The following THSD7B variants were observed in gnomAD, a reference collection of about 807,000 sequenced individuals.
THSD7B encodes thrombospondin type-1 domain-containing protein 7B.
THSD7B carries 138 observed loss-of-function variants against 213.6 expected under a neutral mutation model. The ratio of observed to expected loss-of-function variants is 0.65; its 90% CI spans 0.56 to 0.74. THSD7B has a LOEUF of 0.74. THSD7B is among the 30% of genes least tolerant of loss of function. THSD7B has a pLI of 0.00. For synonymous variants in THSD7B, 742 were observed against 687.0 expected (o/e 1.08, Z -1.25); for missense variants, 1,931 against 1,991.5 (o/e 0.97, Z 0.58).
Position 137,655,455 on chromosome 2 carries a change from A to T in THSD7B, c.3946-46A>T, listed in dbSNP as rs1240744263. Reference sequence around the variant, plus strand: ...AGGTGGCAAGAGCCAAAACTTTGAGATGTGAATTATTTGGGTAATTGTGAA... The same window carrying T: ...AGGTGGCAAGAGCCAAAACTTTGAGTTGTGAATTATTTGGGTAATTGTGAA... On this transcript the variant is annotated intron_variant, in intron 21 of 27. Transcript: ENST00000409968. The T allele has an allele frequency of 3.8e-6, 6 of 1,558,942 alleles. No individual in the cohort carries two copies. The African/African-American group carries it at 5.4e-5, about 14-fold the overall frequency.
At position 137,303,706 on chromosome 2, in the gene THSD7B, A is replaced by T. The variant is rs372591126; in HGVS notation, c.2500+27680A>T. Among the ~76,000 whole-genome samples, 98 of 122,108 alleles carry T rather than the reference A, an allele frequency of 8.0e-4. 2 individuals carry two copies. The highest frequency in any genetic ancestry group is 2.0e-3 in the East Asian group (9 of 4,438). 80.1% of individuals were successfully genotyped at this position (122,108 alleles called of 152,430 possible). On this transcript the variant is annotated intron_variant, in intron 12 of 27. Transcript: ENST00000409968. ...TATTTATATATATTTATATATATTT[A>T]TATATATATTTATATATATATTTAT...
At chr2:137,276,087 T>C in intron 12 of THSD7B, 61 bp downstream of exon 12, 1 of 1,176,382 alleles carries the variant, frequency 8.5e-7, no homozygotes, top group Non-Finnish European at 1.2e-6. Context: ...ATGTAACTCA[T>C]ATGTGTTGCT....
intron 1 of THSD7B, among the ~76,000 whole-genome samples, chr2:136,815,848 T>C (rs6716418): frequency 0.68 from 102,286 of 151,524 alleles, 34,914 homozygotes; most frequent in East Asian, 0.98. Flanking sequence ...TTCTTCCACT[T>C]GGGAGAGAGC....
intron 5 of THSD7B, chr2:137,155,873 T>C (rs1237850176): frequency 6.6e-6 from 1 of 152,182 alleles, no homozygotes; most frequent in African/African-American, 2.4e-5. Flanking sequence ...ATAAACAAAA[T>C]ATCCTTGGTA....
intron 12 of THSD7B, among the ~76,000 whole-genome samples, chr2:137,319,145 ACACGTGTT>A (rs1684205141): frequency 6.6e-6 from 1 of 152,038 alleles, no homozygotes; most frequent in African/African-American, 2.4e-5. Flanking sequence ...CCACGAAGAA[ACACGTGTT>A]CCTATAACTT....
At chr2:137,092,585 A>T (rs1312385743) in intron 3 of THSD7B, among the ~76,000 whole-genome samples, 1 of 152,064 alleles carries the variant, frequency 6.6e-6, no homozygotes, top group South Asian at 2.1e-4. Flanking sequence ...TCTATAAATG[A>T]TCGCTCCCCC....
At chr2:137,588,107 C>T (rs1318427010) in intron 17 of THSD7B, among the ~76,000 whole-genome samples, 1 of 152,208 alleles carries the variant, frequency 6.6e-6, no homozygotes, top group Non-Finnish European at 1.5e-5. Flanking sequence ...ATGAGTGAGG[C>T]TCCAAGGGCG....
intron 15 of THSD7B, among the ~76,000 whole-genome samples, chr2:137,480,794 A>T (rs997721278): frequency 6.6e-6 from 1 of 152,262 alleles, no homozygotes; most frequent in African/African-American, 2.4e-5. Context: ...TAGACTTTTT[A>T]AAAAAGACAA....
intron 12 of THSD7B, among the ~76,000 whole-genome samples, chr2:137,280,899 T>C (rs1682992301): frequency 6.6e-6 from 1 of 152,142 alleles, no homozygotes. Context: ...TTTGTTTTGC[T>C]ATCCACAGTA....
intron 7 of THSD7B, among the ~76,000 whole-genome samples, chr2:137,172,330 G>A (rs1680268819): frequency 6.6e-6 from 1 of 152,168 alleles, no homozygotes; most frequent in Admixed American, 6.5e-5. Context: ...ATGATCACCA[G>A]AAAGACCAAA....
At chr2:137,259,769 T>A (rs915771464) in intron 10 of THSD7B, among the ~76,000 whole-genome samples, 2 of 152,200 alleles carry the variant, frequency 1.3e-5, no homozygotes, top group Non-Finnish European at 2.9e-5. Context: ...GAATGAAAAG[T>A]CCTTGAGGTC....
At chr2:137,578,754 T>G (rs1681514610) in intron 17 of THSD7B, among the ~76,000 whole-genome samples, 2 of 152,158 alleles carry the variant, frequency 1.3e-5, no homozygotes, top group South Asian at 4.1e-4. Flanking sequence ...CCTAGGTGGT[T>G]TTGGTAATAT....
chr2:136,984,260 C>T (rs1685634180), intron 2 of THSD7B, among the ~76,000 whole-genome samples: 1 of 152,182 alleles, frequency 6.6e-6, no homozygotes. Context: ...GGATGTTTGT[C>T]CTCTCCAAAT....
chr2:137,252,169 A>C (rs1478517067), intron 10 of THSD7B, among the ~76,000 whole-genome samples: 2 of 146,428 alleles, frequency 1.4e-5, no homozygotes, highest in Non-Finnish European at 3.0e-5. Flanking sequence ...CGTGAGGCTG[A>C]GTCAGGAGAA....
chr2:137,132,635 C>G (rs1475424687), intron 5 of THSD7B, among the ~76,000 whole-genome samples: 1 of 152,006 alleles, frequency 6.6e-6, no homozygotes, highest in African/African-American at 2.4e-5. Context: ...GTTATCTTTA[C>G]TAACTAAGAT....
chr2:137,671,839 T>A (rs1683585285), intron 27 of THSD7B, among the ~76,000 whole-genome samples: 1 of 152,210 alleles, frequency 6.6e-6, no homozygotes, highest in Admixed American at 6.5e-5. Flanking sequence ...GGCTTACTCC[T>A]TGTTTCCCCT....
At chr2:137,313,549 A>G (rs1440066763) in intron 12 of THSD7B, among the ~76,000 whole-genome samples, 2 of 150,900 alleles carry the variant, frequency 1.3e-5, no homozygotes, top group Non-Finnish European at 2.9e-5. Flanking sequence ...TCCTGTCATT[A>G]TGATGTTAGC....
intron 21 of THSD7B, among the ~76,000 whole-genome samples, chr2:137,653,469 C>A (rs1245755695): frequency 6.6e-6 from 1 of 151,896 alleles, no homozygotes; most frequent in Admixed American, 6.6e-5. Context: ...TTATATCATT[C>A]CCAAGTTTTG....
intron 12 of THSD7B, among the ~76,000 whole-genome samples, chr2:137,377,086 T>A (rs1163192901): frequency 2.0e-5 from 3 of 152,196 alleles, no homozygotes; most frequent in Non-Finnish European, 2.9e-5. Flanking sequence ...AAAATGCAAT[T>A]GATTCATAGA....
Sources: allele counts gnomAD v4.1 joint callset (sites outside exome capture counted in the v4.1 genomes callset), GRCh38; gene constraint gnomAD v4.1.1; transcripts MANE v1.5; gene names NCBI Gene and HGNC (gene_info 2026-07-23, HGNC 2026-07-21).